Variants in RELL1 observed in about 807,000 individuals in gnomAD.
RELL1 encodes the protein RELT like 1.
Under a neutral mutation model 23.0 loss-of-function variants are expected in RELL1, and 10 were observed. That is an observed-to-expected ratio of 0.43 (90% CI 0.27 to 0.74). The LOEUF (loss-of-function observed/expected upper bound fraction) is 0.74, where lower values mean the gene tolerates loss of function less well. Among genes scored for constraint, RELL1 ranks in the 30% least tolerant of loss-of-function variants. RELL1 has a pLI of 0.19. For synonymous variants in RELL1, 146 were observed against 146.8 expected (o/e 0.99, Z 0.04); for missense variants, 315 against 364.4 (o/e 0.86, Z 1.10).
chr4:37,682,418 A>G (rs1003829483), intron 1 of RELL1, among the ~76,000 whole-genome samples: 15 of 152,216 alleles, frequency 9.9e-5, no homozygotes, highest in African/African-American at 3.6e-4. Context: ...TCAGCTTTAA[A>G]TCATTTCTCT....
downstream of RELL1, chr4:37,590,722 C>T (rs1298075094): frequency 6.2e-7 from 1 of 1,614,178 alleles, no homozygotes; most frequent in Admixed American, 1.7e-5. Flanking sequence ...AATTCAGCCC[C>T]CAGTGGGGGA....
downstream of RELL1, chr4:37,588,235 AG>A (rs1023610267): frequency 6.6e-6 from 1 of 152,352 alleles, no homozygotes; most frequent in Admixed American, 6.5e-5. Flanking sequence ...GCAAAAGAAC[AG>A]GTCCACAAAT....
intron 1 of RELL1, among the ~76,000 whole-genome samples, chr4:37,658,155 G>A (rs1029291280): frequency 6.6e-6 from 1 of 152,068 alleles, no homozygotes; most frequent in Non-Finnish European, 1.5e-5. Flanking sequence ...AGAGACTGAA[G>A]GCAGGTGTCA....
At chr4:37,632,235 A>G (rs931234689) in intron 5 of RELL1, among the ~76,000 whole-genome samples, 5 of 151,366 alleles carry the variant, frequency 3.3e-5, no homozygotes, top group Non-Finnish European at 7.4e-5. Context: ...GCAGTGGTAC[A>G]ATCTCGGCTC....
chr4:37,685,182 AGTTTATGGAT>A (rs1464497209), intron 1 of RELL1, among the ~76,000 whole-genome samples: 1 of 152,182 alleles, frequency 6.6e-6, no homozygotes, highest in Non-Finnish European at 1.5e-5. Context: ...CAGGAGGAAG[AGTTTATGGAT>A]GTTTATGGAG....
At chr4:37,623,967 A>G (rs546082003) in intron 6 of RELL1, among the ~76,000 whole-genome samples, 3 of 152,232 alleles carry the variant, frequency 2.0e-5, no homozygotes, top group Non-Finnish European at 4.4e-5. Context: ...GCAGTTTCTC[A>G]TCATTAACTG....
At chr4:37,604,916 CACAGACACACACACACAG>C (rs1688336700) in intron 6 of RELL1, among the ~76,000 whole-genome samples, 1 of 36,432 alleles carries the variant, frequency 2.7e-5, no homozygotes, top group Non-Finnish European at 7.3e-5. Context: ...CACACACACA[CACAGACACACACACACAG>C]ACACACACAT....
intron 1 of RELL1, among the ~76,000 whole-genome samples, chr4:37,673,622 T>A (rs879324722): frequency 1.7e-4 from 26 of 152,192 alleles, no homozygotes; most frequent in Non-Finnish European, 2.9e-4. Flanking sequence ...CCTATTTGTG[T>A]TACTTACAAA....
intron 6 of RELL1, among the ~76,000 whole-genome samples, chr4:37,615,109 C>T (rs772871846): frequency 3.9e-5 from 6 of 152,148 alleles, no homozygotes; most frequent in African/African-American, 9.7e-5. Context: ...ACGCTTAATA[C>T]GAGGAAAAGC....
chr4:37,652,271 G>C (rs1029723594), intron 1 of RELL1, among the ~76,000 whole-genome samples: 1 of 152,164 alleles, frequency 6.6e-6, no homozygotes, highest in Non-Finnish European at 1.5e-5. Context: ...TTTGTAAGAG[G>C]TTGCATTCAT....
downstream of RELL1, among the ~76,000 whole-genome samples, chr4:37,606,716 G>C (rs1719233205): frequency 6.6e-6 from 1 of 152,194 alleles, no homozygotes; most frequent in South Asian, 2.1e-4. The surrounding 1 kb of genome is among the most constrained non-coding windows in gnomAD (Gnocchi z 4.1). Flanking sequence ...TTTAGACTGT[G>C]AAAGAATACA....
chr4:37,626,148 A>T (rs1719936628), intron 6 of RELL1, among the ~76,000 whole-genome samples: 1 of 152,204 alleles, frequency 6.6e-6, no homozygotes, highest in South Asian at 2.1e-4. Flanking sequence ...ACATTATTAC[A>T]GTCATCATGG....
At chr4:37,632,507 G>T (rs1231243096) in intron 5 of RELL1, among the ~76,000 whole-genome samples, 1 of 152,128 alleles carries the variant, frequency 6.6e-6, no homozygotes, top group East Asian at 1.9e-4. Flanking sequence ...CTGGTTAAAT[G>T]CTCAACTGGT....
chr4:37,590,553 T>C, downstream of RELL1: 1 of 1,614,194 alleles, frequency 6.2e-7, no homozygotes, highest in East Asian at 2.2e-5. Context: ...CCAGAGCTCC[T>C]TCTGAGGCAG....
At chr4:37,664,753 G>A (rs548472654) in intron 1 of RELL1, among the ~76,000 whole-genome samples, 44 of 152,074 alleles carry the variant, frequency 2.9e-4, no homozygotes, top group East Asian at 9.7e-4. Flanking sequence ...AAGAAGTTAG[G>A]TAATATCATC....
chr4:37,609,240 A>G (rs1719305943), downstream of RELL1, among the ~76,000 whole-genome samples: 1 of 152,114 alleles, frequency 6.6e-6, no homozygotes, highest in South Asian at 2.1e-4. Context: ...CTTAAGAATT[A>G]TGCTAAATCG....
At chr4:37,601,869 C>T (rs114362793) in intron 6 of RELL1, among the ~76,000 whole-genome samples, 3 of 152,142 alleles carry the variant, frequency 2.0e-5, no homozygotes, top group African/African-American at 7.2e-5. Flanking sequence ...TTGAAATGTT[C>T]GTGAAGTTCA....
chr4:37,664,421 A>G (rs1389202825), intron 1 of RELL1, among the ~76,000 whole-genome samples: 1 of 152,076 alleles, frequency 6.6e-6, no homozygotes, highest in Admixed American at 6.5e-5. Context: ...CTCCCTCTAT[A>G]ACTATCATAA....
intron 6 of RELL1, among the ~76,000 whole-genome samples, chr4:37,630,557 G>A (rs1440749450): frequency 6.6e-6 from 1 of 151,804 alleles, no homozygotes; most frequent in Non-Finnish European, 1.5e-5. Context: ...AGTAGAGACA[G>A]GGTTTCACCA....
Sources: gnomAD v4.1 joint callset for allele counts (sites outside exome capture counted in the v4.1 genomes callset) on GRCh38, gnomAD v4.1.1 for gene constraint, Gnocchi (gnomAD v3.1) non-coding constraint, MANE v1.5 for transcripts, NCBI Gene and HGNC (gene_info 2026-07-23, HGNC 2026-07-21) for gene names.